COG2: variants seen among roughly 807,000 people sequenced by gnomAD.
COG2 encodes conserved oligomeric Golgi complex subunit 2.
A neutral mutation model predicts 90.6 loss-of-function variants in COG2; 52 were observed. The observed-to-expected ratio is 0.57, with a 90% confidence interval of 0.46 to 0.72. COG2 has a LOEUF of 0.72. Among genes scored for constraint, COG2 ranks in the 30% least tolerant of loss-of-function variants. COG2 has a pLI of 0.00. For synonymous variants in COG2, 337 were observed against 320.4 expected (o/e 1.05, Z -0.55); for missense variants, 829 against 891.2 (o/e 0.93, Z 0.89).
At chr1:230,661,082 G>A (rs888079220) in intron 3 of COG2, among the ~76,000 whole-genome samples, 1 of 152,120 alleles carries the variant, frequency 6.6e-6, no homozygotes, top group African/African-American at 2.4e-5. Flanking sequence ...TGGGGGAGGA[G>A]AAGAAGGCTA....
At chr1:230,669,627 G>C in intron 7 of COG2, 92 bp downstream of exon 7, 1 of 1,161,004 alleles carries the variant, frequency 8.6e-7, no homozygotes. Context: ...AGAGAACAGA[G>C]ATCTTTCTGG....
chr1:230,650,299 A>G (rs915595172), intron 1 of COG2, among the ~76,000 whole-genome samples: 2 of 152,200 alleles, frequency 1.3e-5, no homozygotes, highest in African/African-American at 2.4e-5. Context: ...ACTGTTTTCC[A>G]TAGAACCTGT....
At chr1:230,645,453 C>CGGTA (rs1661747221) in intron 1 of COG2, among the ~76,000 whole-genome samples, 2 of 151,966 alleles carry the variant, frequency 1.3e-5, no homozygotes, top group Non-Finnish European at 1.5e-5. Context: ...GGCCATCAAG[C>CGGTA]GGTAGCTCCT....
intron 9 of COG2, 58 bp downstream of exon 9, chr1:230,675,182 A>G (rs1487581303): frequency 4.5e-6 from 7 of 1,560,074 alleles, no homozygotes; most frequent in Admixed American, 1.9e-5. Context: ...CTGGAGAAAT[A>G]TCATGTTCTC....
At chr1:230,668,521 T>C (rs1298818093) in intron 5 of COG2, among the ~76,000 whole-genome samples, 155 bp from the exon 6 acceptor site, 1 of 152,200 alleles carries the variant, frequency 6.6e-6, no homozygotes, top group East Asian at 1.9e-4. Context: ...AAAGACGCTT[T>C]AGCTTTCACC....
Position 230,687,114 on chromosome 1 carries a change from G to A in COG2, c.1560G>A (p.Leu520=). The part of the protein sequence containing the change: ...RTQLVYVVAD[L]DKLQEQLPEL... ...AGCTCGTGTATGTGGTTGCAGACCT[G>A]GACAAGCTTCAGGAGCAGGTAAGCC... The change falls in exon 13 of 18, where the codon CTG becomes CTA. Residue 520 remains leucine, a synonymous_variant. Coordinates refer to ENST00000366669, the MANE Select transcript of COG2 (RefSeq NM_007357.3). The A allele has an allele frequency of 6.2e-7, 1 of 1,610,900 alleles. No homozygotes were observed. Among genetic ancestry groups the A allele is most frequent in the Non-Finnish European group, 8.5e-7 (1 of 1,178,206 alleles).
chr1:230,645,761 G>T (rs1267908303), intron 1 of COG2, among the ~76,000 whole-genome samples: 6 of 152,150 alleles, frequency 3.9e-5, no homozygotes, highest in Non-Finnish European at 8.8e-5. Context: ...GTCCTGTCTG[G>T]GGGGTGATGG....
At chr1:230,656,784 A>G (rs1662065312) in intron 1 of COG2, among the ~76,000 whole-genome samples, 1 of 152,180 alleles carries the variant, frequency 6.6e-6, no homozygotes, top group African/African-American at 2.4e-5. Context: ...ATATATATTT[A>G]GGATAATTAG....
intron 2 of COG2, 74 bp downstream of exon 2, chr1:230,659,699 T>G: frequency 1.4e-6 from 2 of 1,477,322 alleles, no homozygotes; most frequent in Non-Finnish European, 1.8e-6. Context: ...TTAGAAGTGT[T>G]GTGTGTTTTT....
chr1:230,678,997 C>G lies in COG2; in HGVS notation c.1111C>G (p.Pro371Ala). The change falls in exon 10 of 18, where the codon CCT becomes GCT. Residue 371 changes from proline to alanine, a missense_variant. Pro to Ala is a conservative substitution (Grantham distance 27, BLOSUM62 -1). Coordinates refer to ENST00000366669, the MANE Select transcript of COG2 (RefSeq NM_007357.3). ...QASVKRLRAHPAYHSFNKKWN... is the reference protein window; with the variant it reads ...QASVKRLRAHAAYHSFNKKWN... ...TAGTGTAAAGAGATTAAGAGCCCAT[C>G]CTGCCTATCACAGCTTCAATAAGAA... 1 of 1,613,764 alleles carries G rather than the reference C, an allele frequency of 6.2e-7. No individual in the cohort carries two copies. Among genetic ancestry groups the G allele is most frequent in the South Asian group, 1.1e-5 (1 of 91,074 alleles).
rs1253689224 is a variant in COG2 at position 230,688,527 on chromosome 1, C to G, written c.1759C>G (p.Leu587Val). Residue 587 changes from leucine (L) to valine (V), a missense_variant, in exon 15 of 18, where the codon CTG becomes GTG. Physicochemically the swap from Leu to Val is conservative, Grantham distance 32 (BLOSUM62 1). Transcript: ENST00000366669. Reference sequence around the variant, plus strand: ...TTGCTTCGGTTTCCTAAAAAGCGCCCTGGAGGTTCCCAGGCTTTACCGAAG... The same window carrying G: ...TTGCTTCGGTTTCCTAAAAAGCGCCGTGGAGGTTCCCAGGCTTTACCGAAG... ...DSCFGFLKSA[L>V]EVPRLYRRTN... The G allele has an allele frequency of 2.5e-6, 4 of 1,613,990 alleles. No individual in the cohort carries two copies. In the Admixed American group the frequency reaches 5.0e-5, roughly 20 times the overall value.
In COG2 at chr1:230,674,693, A is replaced by G. The variant is rs575251185; in HGVS notation, c.900-305A>G. ...CTTTTTGTTTCCAAGATAGGAGTATAAAGGGGTTGGGAAGTATTTTAGAGG... is the reference window on the plus strand; with the variant it reads ...CTTTTTGTTTCCAAGATAGGAGTATGAAGGGGTTGGGAAGTATTTTAGAGG... On this transcript the variant is annotated intron_variant, in intron 8 of 17. Coordinates refer to ENST00000366669, the MANE Select transcript of COG2 (RefSeq NM_007357.3). 4.6e-5 allele frequency among the ~76,000 whole-genome samples: 7 copies of G among 152,262 alleles called. No individual in the cohort carries two copies. In the South Asian group the frequency reaches 1.5e-3, roughly 32 times the overall value.
intron 17 of COG2, 97 bp from the exon 18 acceptor site, chr1:230,693,195 C>G: frequency 1.4e-6 from 1 of 694,092 alleles, no homozygotes; most frequent in Admixed American, 2.5e-5. Flanking sequence ...GAACTGTCTT[C>G]TGGTTTAGTA....
At position 230,675,112 on chromosome 1, in the gene COG2, T is replaced by C. The variant is rs113173809; in HGVS notation, c.1014T>C (p.Asp338=). Residue 338 remains aspartate (D), a synonymous_variant, in exon 9 of 18, where the codon GAT becomes GAC. Transcript: ENST00000366669. The stretch of plus-strand genomic sequence containing the variant: ...CGCTTTTTAATCCTGGGAATCCCGA[T>C]GCATTTCATGAGGTATCTCCCCGCC... ...LPSLFNPGNP[D]AFHEKYTISM... is the part of the protein sequence containing the mutation. 5.7e-3 allele frequency: 9,198 copies of C among 1,611,642 alleles called. 36 individuals are homozygous for C. Among genetic ancestry groups the C allele is most frequent in the Non-Finnish European group, 6.8e-3 (7,980 of 1,178,898 alleles).
intron 10 of COG2, 99 bp downstream of exon 10, chr1:230,679,151 A>G (rs1662671828): frequency 8.6e-7 from 1 of 1,165,966 alleles, no homozygotes; most frequent in African/African-American, 1.5e-5. Flanking sequence ...CTTTTCTCTG[A>G]TCATCATAAT....
chr1:230,669,328 T>A lies in COG2; in HGVS notation c.595-28T>A, dbSNP rs750502822. ...CAGAAACTGTTACAACTAGAGCTTT[T>A]TTTTTATTTACCCACCTTTTCTTGC... is the stretch of plus-strand genomic sequence containing the variant. On this transcript the variant is annotated intron_variant, in intron 6 of 17. Transcript: ENST00000366669. 3 of 1,585,032 alleles carry A rather than the reference T, an allele frequency of 1.9e-6. No homozygotes were observed. The East Asian group carries it at 6.8e-5, about 36-fold the overall frequency.
chr1:230,679,062 C>G lies in COG2; in HGVS notation c.1166+10C>G, dbSNP rs374544261. On this transcript the variant is annotated intron_variant, in intron 10 of 17. Coordinates refer to ENST00000366669, the MANE Select transcript of COG2 (RefSeq NM_007357.3). Reference sequence around the variant, plus strand: ...TTTATTTTCAAATAAGGTTGGTCATCTATTCACCGCCCCCGCCCCGCACCC... The same window carrying G: ...TTTATTTTCAAATAAGGTTGGTCATGTATTCACCGCCCCCGCCCCGCACCC... 1 of 1,610,126 alleles carries G rather than the reference C, an allele frequency of 6.2e-7. No homozygotes were observed. The highest frequency in any genetic ancestry group is 1.1e-5 in the South Asian group (1 of 90,916).
rs188287119 is a variant in COG2, at chr1:230,680,073, G to C, written c.1166+1021G>C. 21 of 152,272 alleles carry C rather than the reference G, an allele frequency of 1.4e-4. No homozygotes were observed. In the East Asian group the frequency reaches 4.0e-3, roughly 29 times the overall value. 9.4% of individuals were successfully genotyped at this position (152,272 alleles called of 1,614,324 possible). ...CCAAGGTTGCATCATCATGTAGTTG[G>C]TCTCTCAGCAGGAAATTACGGATTT... On this transcript the variant is annotated intron_variant, in intron 10 of 17. Transcript: ENST00000366669.
At chr1:230,669,321 G>A (rs372366812) in intron 6 of COG2, 35 bp from the exon 7 acceptor site, 10 of 1,581,344 alleles carry the variant, frequency 6.3e-6, no homozygotes, top group Non-Finnish European at 8.6e-6. Flanking sequence ...GTTACAACTA[G>A]AGCTTTTTTT....
Sources: allele counts gnomAD v4.1 joint callset (sites outside exome capture counted in the v4.1 genomes callset), GRCh38; gene constraint gnomAD v4.1.1; transcripts MANE v1.5; gene names NCBI Gene and HGNC (gene_info 2026-07-23, HGNC 2026-07-21).